PREX2: variants seen among roughly 807,000 people sequenced by gnomAD.
The protein encoded by PREX2 is phosphatidylinositol-3,4,5-trisphosphate dependent Rac exchange factor 2.
PREX2 carries 107 observed loss-of-function variants against 203.2 expected under a neutral mutation model. The ratio of observed to expected loss-of-function variants is 0.53; its 90% confidence interval spans 0.45 to 0.62. The LOEUF (loss-of-function observed/expected upper bound fraction) is 0.62, where lower values mean the gene tolerates loss of function less well. Among genes scored for constraint, PREX2 ranks in the 20% least tolerant of loss-of-function variants. The pLI, the probability that PREX2 is intolerant of heterozygous loss-of-function variation, is 0.00. For synonymous variants in PREX2, 672 were observed against 663.6 expected, an observed-to-expected ratio of 1.01 and a Z score of -0.19; for missense variants, 1,777 against 1,955.9, an observed-to-expected ratio of 0.91 and a Z score of 1.72.
At position 68,095,973 on chromosome 8, in the gene PREX2, C is replaced by T. The variant is rs151251103; in HGVS notation, c.2369-1044C>T. On this transcript the variant is annotated intron_variant, in intron 21 of 39. Coordinates refer to ENST00000288368, the MANE Select transcript of PREX2 (RefSeq NM_024870.4). The stretch of plus-strand genomic sequence containing the variant: ...TCTTACTGTATATTCCCTATACACA[C>T]TGATCGTATGGGGGGTACTTAGGAA... Among the ~76,000 whole-genome samples the T allele has an allele frequency of 4.5e-3, 687 of 152,216 alleles. 6 individuals are homozygous for T. Among genetic ancestry groups the T allele is most frequent in the African/African-American group, 0.016 (661 of 41,528 alleles).
intron 35 of PREX2, among the ~76,000 whole-genome samples, chr8:68,158,099 G>A (rs7838583): frequency 1.8e-5 from 1 of 54,978 alleles, no homozygotes; most frequent in African/African-American, 9.3e-5. Flanking sequence ...ATATATATGT[G>A]TATATATATG....
At chr8:68,090,449 C>A in intron 19 of PREX2, 130 bp from the exon 20 acceptor site, 3 of 758,496 alleles carry the variant, frequency 4.0e-6, no homozygotes, top group South Asian at 2.6e-5. Context: ...CTCTCAGAAC[C>A]AAGTTTATCA....
At chr8:68,004,187 C>T (rs904304354) in intron 1 of PREX2, among the ~76,000 whole-genome samples, 2 of 152,132 alleles carry the variant, frequency 1.3e-5, no homozygotes, top group South Asian at 2.1e-4. Context: ...GACTGTTCCA[C>T]CTTGGAGAAG....
At chr8:68,134,917 T>C (rs750926393) in intron 32 of PREX2, among the ~76,000 whole-genome samples, 7 of 152,230 alleles carry the variant, frequency 4.6e-5, no homozygotes, top group Non-Finnish European at 2.9e-5. Context: ...TTTTCACGTA[T>C]ACCTCCTGTG....
intron 10 of PREX2, among the ~76,000 whole-genome samples, chr8:68,059,848 TCTGCAGG>T (rs1408045988): frequency 2.6e-5 from 4 of 152,220 alleles, no homozygotes; most frequent in African/African-American, 7.2e-5. Flanking sequence ...GCTCTCAGCT[TCTGCAGG>T]CTGCATGTCT....
intron 18 of PREX2, among the ~76,000 whole-genome samples, chr8:68,087,333 G>C (rs13261061): frequency 0.025 from 3,739 of 152,180 alleles, 74 homozygotes; most frequent in Non-Finnish European, 0.038. Context: ...ATGAGCTTGA[G>C]CAATGTAGGA....
chr8:68,083,308 C>T lies in PREX2; in HGVS notation c.1947C>T (p.Phe649=), dbSNP rs1246499482. ...GTGACCTAGTTTTTATGAGACCTTT[C>T]AATGAAGTGGATTGCTTCCTGAAAT... ...INGDLVFMRP[F]NEVDCFLKSC... is the part of the protein sequence containing the mutation. Residue 649 remains phenylalanine (F), a synonymous_variant, in exon 18 of 40, where the codon TTC becomes TTT. Coordinates refer to ENST00000288368, the MANE Select transcript of PREX2 (RefSeq NM_024870.4). 4 of 1,610,476 alleles carry T rather than the reference C, an allele frequency of 2.5e-6. No homozygotes were observed. The highest frequency in any genetic ancestry group is 3.4e-6 in the Non-Finnish European group (4 of 1,177,430).
chr8:68,137,183 G>C (rs1483523066), intron 32 of PREX2, among the ~76,000 whole-genome samples: 3 of 152,172 alleles, frequency 2.0e-5, no homozygotes, highest in Non-Finnish European at 4.4e-5. Context: ...TGGGCTTACA[G>C]GCGTGAGCCA....
intron 34 of PREX2, among the ~76,000 whole-genome samples, chr8:68,151,719 A>G (rs200080517): frequency 4.4e-4 from 66 of 151,678 alleles, no homozygotes; most frequent in African/African-American, 1.5e-3. Flanking sequence ...CAAATAGGAT[A>G]TGTGATGCTG....
At chr8:68,155,411 T>C (rs1445268019) in intron 34 of PREX2, among the ~76,000 whole-genome samples, 2 of 152,196 alleles carry the variant, frequency 1.3e-5, no homozygotes, top group African/African-American at 2.4e-5. Context: ...TTAAAAAAAA[T>C]CTGCAAATTT....
chr8:68,108,089 A>G lies in PREX2; in HGVS notation c.2716-20A>G, dbSNP rs765749063. The G allele has an allele frequency of 1.3e-6, 2 of 1,563,226 alleles. No homozygotes were observed. Among genetic ancestry groups the G allele is most frequent in the Non-Finnish European group, 8.7e-7 (1 of 1,142,858 alleles). On this transcript the variant is annotated intron_variant, in intron 23 of 39. Coordinates refer to ENST00000288368, the MANE Select transcript of PREX2 (RefSeq NM_024870.4). Reference sequence around the variant, plus strand: ...ATTACTGTGTGTTCAACTGCTTTTTATGTTTTCTTTAATTTGCAGTTTTCT... The same window carrying G: ...ATTACTGTGTGTTCAACTGCTTTTTGTGTTTTCTTTAATTTGCAGTTTTCT...
chr8:68,090,202 ATGT>A (rs1447604747), intron 19 of PREX2, among the ~76,000 whole-genome samples: 1 of 152,216 alleles, frequency 6.6e-6, no homozygotes, highest in African/African-American at 2.4e-5. Context: ...ATATTTAGAA[ATGT>A]TGTAGAATAA....
intron 1 of PREX2, among the ~76,000 whole-genome samples, chr8:67,991,538 C>T (rs1375654581): frequency 6.6e-6 from 1 of 152,050 alleles, no homozygotes; most frequent in Non-Finnish European, 1.5e-5. Context: ...AAGTGCCCAG[C>T]GAAGTGGGAA....
At chr8:68,059,689 A>G (rs1473904492) in intron 10 of PREX2, among the ~76,000 whole-genome samples, 6 of 152,208 alleles carry the variant, frequency 3.9e-5, no homozygotes, top group Non-Finnish European at 5.9e-5. Context: ...TCACGACCCC[A>G]AAATCAAGGT....
In PREX2 at chr8:68,090,732, A is replaced by G. The variant is rs1451488662; in HGVS notation, c.2250+17A>G. The G allele has an allele frequency of 3.4e-5, 54 of 1,609,730 alleles. No homozygotes were observed. Among genetic ancestry groups the G allele is most frequent in the Non-Finnish European group, 4.2e-5 (50 of 1,176,984 alleles). On this transcript the variant is annotated intron_variant, in intron 20 of 39. Transcript: ENST00000288368. Reference sequence around the variant, plus strand: ...CCAACGAAGGTAAGTGGCCCTTCAGATAATCTGGATCTGAGTGACTACTTG... The same window carrying G: ...CCAACGAAGGTAAGTGGCCCTTCAGGTAATCTGGATCTGAGTGACTACTTG...
chr8:68,077,425 T>C lies in PREX2; in HGVS notation c.1598T>C (p.Met533Thr). Residue 533 changes from methionine (M) to threonine (T), a missense_variant, in exon 15 of 40, where the codon ATG (methionine) becomes ACG (threonine). By Grantham distance (81) the Met-to-Thr change is moderately conservative. Transcript: ENST00000288368. ...QGDCRTREEAMIFGVGLCDNG... is the reference protein window; with the variant it reads ...QGDCRTREEATIFGVGLCDNG... ...GATTGCCGCACCAGAGAAGAGGCAA[T>C]GATATTTGGCGTTGGACTCTGTGAC... 6.2e-7 allele frequency: 1 copy of C among 1,611,988 alleles called. No individual in the cohort carries two copies. The highest frequency in any genetic ancestry group is 8.5e-7 in the Non-Finnish European group (1 of 1,178,128).
chr8:68,147,806 G>T (rs1021815866), intron 34 of PREX2, among the ~76,000 whole-genome samples: 1 of 152,124 alleles, frequency 6.6e-6, no homozygotes, highest in African/African-American at 2.4e-5. Context: ...TTACTAGAAG[G>T]TATTTTCATT....
chr8:68,202,470 T>C (rs763826807), intron 37 of PREX2, among the ~76,000 whole-genome samples: 4 of 152,104 alleles, frequency 2.6e-5, no homozygotes, highest in Non-Finnish European at 5.9e-5. Context: ...TAGATATTTT[T>C]TAAAATATCA....
chr8:68,099,638 G>T, intron 22 of PREX2, 44 bp from the exon 23 acceptor site: 3 of 1,571,866 alleles, frequency 1.9e-6, no homozygotes, highest in Non-Finnish European at 2.6e-6. Flanking sequence ...GTGTCTGTAT[G>T]TGTGTTTGTG....
Sources: gnomAD v4.1 joint callset for allele counts (sites outside exome capture counted in the v4.1 genomes callset) on GRCh38, gnomAD v4.1.1 for gene constraint, MANE v1.5 for transcripts, NCBI Gene and HGNC (gene_info 2026-07-23, HGNC 2026-07-21) for gene names.